SCN4A: variants seen among roughly 807,000 people sequenced by gnomAD.
SCN4A encodes sodium channel protein type 4 subunit alpha.
In SCN4A, 83 loss-of-function variants were observed where a neutral mutation model predicts 162.0. The observed-to-expected ratio is 0.51, with a 90% CI of 0.43 to 0.61. The LOEUF is 0.61. SCN4A is among the 20% of genes least tolerant of loss of function. The pLI, the probability that SCN4A is intolerant of heterozygous loss-of-function variation, is 0.00. For missense variants in SCN4A, 2,196 were observed against 2,462.5 expected (o/e 0.89, Z 2.29); for synonymous variants, 944 against 985.1 (o/e 0.96, Z 0.78).
At chr17:63,954,244 A>C (rs558348331) in intron 13 of SCN4A, among the ~76,000 whole-genome samples, 1 of 152,276 alleles carries the variant, frequency 6.6e-6, no homozygotes, top group Admixed American at 6.5e-5. Context: ...CTCTTTAAAA[A>C]CTATCTGAAA....
In SCN4A at chr17:63,940,967, A is replaced by G. The variant is rs780575534; in HGVS notation, c.5315T>C (p.Leu1772Pro). The G allele has an allele frequency of 1.1e-5, 18 of 1,613,404 alleles. No individual in the cohort carries two copies. Among genetic ancestry groups the G allele is most frequent in the Non-Finnish European group, 1.4e-5 (16 of 1,179,392 alleles). The change falls in exon 24 of 24, where the codon CTT (leucine) becomes CCT (proline). Residue 1772 changes from leucine to proline, a missense_variant. Transcript: ENST00000435607. ...GDDAPEKEGL[L>P]ANTMSKMYGH... ...ATACATCTTGCTCATGGTGTTGGCAAGCAGCCCCTCCTTCTCAGGGGCGTC... is the reference window on the plus strand; with the variant it reads ...ATACATCTTGCTCATGGTGTTGGCAGGCAGCCCCTCCTTCTCAGGGGCGTC...
In SCN4A at chr17:63,972,644, C is replaced by G. The variant is rs1219877646; in HGVS notation, c.198G>C (p.Met66Ile). 1.2e-6 allele frequency: 2 copies of G among 1,612,052 alleles called. No homozygotes were observed. The highest frequency in any genetic ancestry group is 2.2e-5 in the South Asian group (2 of 90,674). The change falls in exon 1 of 24, where the codon ATG becomes ATC. Residue 66 changes from methionine (M) to isoleucine (I), a missense_variant. By Grantham distance (10) the Met-to-Ile change is conservative. Coordinates refer to ENST00000435607, the MANE Select transcript of SCN4A (RefSeq NM_000334.4). This position sits in a 1 kb window ranked among gnomAD's most constrained non-coding sequence, Gnocchi z 4.3. ...SDLEAGKNLP[M>I]IYGDPPPEVI... is the part of the protein sequence containing the mutation. ...CCTCCGGCGGGGGGTCTCCGTAGATCATGGGTAGGTTCTTGCCAGCCTCCA... is the reference window on the plus strand; with the variant it reads ...CCTCCGGCGGGGGGTCTCCGTAGATGATGGGTAGGTTCTTGCCAGCCTCCA...
At chr17:63,948,875 TC>T in intron 15 of SCN4A, 110 bp from the exon 16 acceptor site, 1 of 1,022,806 alleles carries the variant, frequency 9.8e-7, no homozygotes, top group Non-Finnish European at 1.4e-6. Flanking sequence ...CCTCTCCAGC[TC>T]CCAGACCCAG....
chr17:63,962,219 T>A (rs1218352180), intron 10 of SCN4A, among the ~76,000 whole-genome samples: 1 of 152,200 alleles, frequency 6.6e-6, no homozygotes, highest in Non-Finnish European at 1.5e-5. Context: ...GGGAGGCCAC[T>A]GCAGGGGCTT....
rs759800733 is a variant in SCN4A at position 63,957,401 on chromosome 17, T to C, written c.2137A>G (p.Ile713Val). ...LTLVLAIIVF[I>V]FAVVGMQLFG... ...AGCTGCATGCCCACCACGGCGAAGA[T>C]GAACACGATGATAGCCAGCACCAGC... The change falls in exon 13 of 24, where the codon ATC becomes GTC. Residue 713 changes from isoleucine to valine, a missense_variant. Transcript: ENST00000435607. The C allele has an allele frequency of 9.3e-6, 15 of 1,613,966 alleles. No individual in the cohort carries two copies. The highest frequency in any genetic ancestry group is 1.3e-5 in the Non-Finnish European group (15 of 1,179,952).
rs189893985 is a variant in SCN4A at position 63,969,577 on chromosome 17, C to T, written c.704-1222G>A. Among the ~76,000 whole-genome samples, 349 of 152,326 alleles carry T rather than the reference C, an allele frequency of 2.3e-3. 6 individuals carry two copies. Among genetic ancestry groups the T allele is most frequent in the African/African-American group, 7.7e-3 (319 of 41,566 alleles). On this transcript the variant is annotated intron_variant, in intron 5 of 23. Coordinates refer to ENST00000435607, the MANE Select transcript of SCN4A (RefSeq NM_000334.4). ...CCTCTCCTGGGTCTCACACCTTCCT[C>T]GGCTGCAGTCAGAGGGCTTTAGACT...
At chr17:63,963,373 C>G (rs1287597705) in intron 10 of SCN4A, among the ~76,000 whole-genome samples, 1 of 152,198 alleles carries the variant, frequency 6.6e-6, no homozygotes. Flanking sequence ...CCCGGAAGCC[C>G]CCAGTTCCCA....
chr17:63,943,943 G>A, intron 21 of SCN4A, 93 bp from the exon 22 acceptor site: 1 of 748,010 alleles, frequency 1.3e-6, no homozygotes, highest in Admixed American at 2.1e-5. Context: ...CACCTTTAAG[G>A]CAGCCCCCGC....
At chr17:63,971,620 G>T (rs766898719) in intron 4 of SCN4A, 102 bp downstream of exon 4, 1 of 1,069,192 alleles carries the variant, frequency 9.4e-7, no homozygotes, top group South Asian at 1.5e-5. Flanking sequence ...ACAACTGACC[G>T]ATGTCCCCTG....
In SCN4A at chr17:63,942,963, A is replaced by G. The variant is rs765453876; in HGVS notation, c.4151T>C (p.Ile1384Thr). 6.2e-7 allele frequency: 1 copy of G among 1,613,980 alleles called. No individual in the cohort carries two copies. Among genetic ancestry groups the G allele is most frequent in the South Asian group, 1.1e-5 (1 of 91,086 alleles). Residue 1384 changes from isoleucine to threonine, a missense_variant, in exon 23 of 24, where the codon ATC (isoleucine) becomes ACC (threonine). By Grantham distance (89) the Ile-to-Thr change is moderately conservative. Coordinates refer to ENST00000435607, the MANE Select transcript of SCN4A (RefSeq NM_000334.4). Reference sequence around the variant, plus strand: ...GAAGATCATGTTGATGTTGTACAGGATGTCCACCTTGAGCTGGCTCTGGTT... The same window carrying G: ...GAAGATCATGTTGATGTTGTACAGGGTGTCCACCTTGAGCTGGCTCTGGTT... Reference protein sequence around the residue: ...TDNQSQLKVDILYNINMIFII... With the variant: ...TDNQSQLKVDTLYNINMIFII...
At position 63,964,639 on chromosome 17, in the gene SCN4A, G is replaced by A. The variant is rs369445518; in HGVS notation, c.1281C>T (p.Phe427=). The change falls in exon 9 of 24, where the codon TTC becomes TTT. Residue 427 remains phenylalanine, a synonymous_variant. Coordinates refer to ENST00000435607, the MANE Select transcript of SCN4A (RefSeq NM_000334.4). ...AAGAGCCCAGGAAGATGATGACCAC[G>A]AAGAAGATCATGTAGGTCTTGCCAG... The part of the protein sequence containing the change: ...RAAGKTYMIF[F]VVIIFLGSFY... 3.7e-4 allele frequency: 592 copies of A among 1,612,018 alleles called. No homozygotes were observed. Among genetic ancestry groups the A allele is most frequent in the Non-Finnish European group, 4.6e-4 (543 of 1,179,266 alleles).
chr17:63,965,920 C>T (rs960490286), intron 8 of SCN4A, among the ~76,000 whole-genome samples, 182 bp downstream of exon 8: 2 of 152,172 alleles, frequency 1.3e-5, no homozygotes, highest in Admixed American at 6.5e-5. Context: ...TGGCTTGGCT[C>T]GGGGCAGGTG....
Position 63,970,042 on chromosome 17 carries a change from GT to G in SCN4A, c.703+1119del, listed in dbSNP as rs372443726. Among the ~76,000 whole-genome samples, 208 of 152,178 alleles carry G rather than the reference GT, an allele frequency of 1.4e-3. 1 individual carries two copies. The highest frequency in any genetic ancestry group is 4.6e-3 in the African/African-American group (193 of 41,506). Reference sequence around the variant, plus strand: ...CTCCTTTACTGGGAGAGAATCTCCAGTTTCTCCACATGCTCTTTTGCAGGTC... The same window carrying G: ...CTCCTTTACTGGGAGAGAATCTCCAGTTCTCCACATGCTCTTTTGCAGGTC... On this transcript the variant is annotated intron_variant, in intron 5 of 23. Transcript: ENST00000435607.
intron 5 of SCN4A, among the ~76,000 whole-genome samples, chr17:63,968,846 T>C (rs1909534504): frequency 6.6e-6 from 1 of 152,212 alleles, no homozygotes; most frequent in African/African-American, 2.4e-5. Flanking sequence ...TATTTGTATT[T>C]ATGTATTTAT....
rs758773946 is a variant in SCN4A, at chr17:63,951,625, C to T, written c.2652G>A (p.Glu884=). ...APEDEKKEPP[E]EDLKKDNHIL... is the part of the protein sequence containing the mutation. ...TGTGATTGTCCTTCTTCAGGTCCTC[C>T]TCGGGCGGCTCCTTCTTCTCATCCT... The change falls in exon 14 of 24, where the codon GAG becomes GAA. Residue 884 remains glutamate, a synonymous_variant. Transcript: ENST00000435607. The surrounding 1 kb of genome is among the most constrained non-coding windows in gnomAD (Gnocchi z 4.5). The T allele has an allele frequency of 6.2e-7, 1 of 1,613,166 alleles. No individual in the cohort carries two copies. The highest frequency in any genetic ancestry group is 1.7e-5 in the Admixed American group (1 of 59,892).
chr17:63,952,266 C>T (rs569782829), intron 13 of SCN4A, among the ~76,000 whole-genome samples: 18 of 151,272 alleles, frequency 1.2e-4, no homozygotes, highest in African/African-American at 3.9e-4. Flanking sequence ...AGTGCTGTGG[C>T]GCGATTTCGG....
intron 13 of SCN4A, among the ~76,000 whole-genome samples, chr17:63,956,361 C>T (rs1016485520): frequency 6.6e-6 from 1 of 152,246 alleles, no homozygotes; most frequent in African/African-American, 2.4e-5. Flanking sequence ...CCTGCCTCAG[C>T]CTCCCAAATA....
Position 63,950,556 on chromosome 17 carries a change from G to A in SCN4A, c.2853+868C>T, listed in dbSNP as rs1597972962. ...GGGTATTTATAGCTCACAGGCACTCGCTTCCTGGTAAGCCAGCATATTTGG... is the reference window on the plus strand; with the variant it reads ...GGGTATTTATAGCTCACAGGCACTCACTTCCTGGTAAGCCAGCATATTTGG... On this transcript the variant is annotated intron_variant, in intron 14 of 23. Transcript: ENST00000435607. The surrounding 1 kb of genome is among the most constrained non-coding windows in gnomAD (Gnocchi z 4.6). Among the ~76,000 whole-genome samples, 2 of 152,182 alleles carry A rather than the reference G, an allele frequency of 1.3e-5. No homozygotes were observed. The highest frequency in any genetic ancestry group is 1.9e-4 in the East Asian group (1 of 5,186).
chr17:63,965,969 C>T (rs547792202), intron 8 of SCN4A, 133 bp downstream of exon 8: 21 of 660,846 alleles, frequency 3.2e-5, no homozygotes, highest in Non-Finnish European at 4.8e-5. Flanking sequence ...AAGGGCACTG[C>T]GGGAGTCCAT....
Sources: allele counts gnomAD v4.1 joint callset (sites outside exome capture counted in the v4.1 genomes callset), GRCh38; gene constraint gnomAD v4.1.1; non-coding constraint Gnocchi (gnomAD v3.1); transcripts MANE v1.5; gene names NCBI Gene and HGNC (gene_info 2026-07-23, HGNC 2026-07-21).